The following THRA variants were observed in gnomAD, a reference collection of about 807,000 sequenced individuals.
THRA encodes the protein thyroid hormone receptor alpha, also known as EAR-7.
Under a neutral mutation model 45.0 loss-of-function variants are expected in THRA, and 13 were observed. The observed-to-expected ratio is 0.29, with a 90% CI of 0.19 to 0.46. The LOEUF is 0.46. Among genes scored for constraint, THRA ranks in the 20% least tolerant of loss-of-function variants. The pLI is 1.00. For missense variants in THRA, 278 were observed against 556.1 expected, an observed-to-expected ratio of 0.50 and a Z score of 5.03; for synonymous variants, 195 against 214.0, an observed-to-expected ratio of 0.91 and a Z score of 0.78.
At position 40,092,273 on chromosome 17, in the gene THRA, C is replaced by G. The variant is rs1420766357; in HGVS notation, c.*2817C>G. The G allele has an allele frequency of 6.6e-6, 1 of 151,700 alleles. No individual in the cohort carries two copies. Among genetic ancestry groups the G allele is most frequent in the African/African-American group, 2.4e-5 (1 of 41,210 alleles). The allele number at this position is 151,700 out of a possible 1,614,324, so 9.4% of individuals were successfully genotyped here. The stretch of plus-strand genomic sequence containing the variant: ...AGGGCAGGGCGTTGTGAGAGAGAGA[C>G]CGTCCATAAGGAGGACAGTAACTCC... On this transcript the variant is annotated 3_prime_UTR_variant, in exon 9 of 9. Coordinates refer to ENST00000450525, the MANE Select transcript of THRA (RefSeq NM_199334.5).
intron 3 of THRA, 69 bp from the exon 4 acceptor site, chr17:40,077,439 A>G: frequency 7.1e-7 from 1 of 1,416,304 alleles, no homozygotes; most frequent in South Asian, 1.2e-5. Context: ...GGATGGGGAA[A>G]AGTGTGAGAG....
upstream of THRA, chr17:40,062,772 G>C (rs1231546715): frequency 6.9e-6 from 1 of 143,986 alleles, no homozygotes; most frequent in African/African-American, 2.5e-5. Flanking sequence ...GGGGTCCCGG[G>C]GCGCGGCAGG....
At chr17:40,093,554 TC>T, downstream of THRA, 10 of 1,084,604 alleles carry the variant, frequency 9.2e-6, no homozygotes, top group Non-Finnish European at 1.3e-5. The surrounding 1 kb of genome is among the most constrained non-coding windows in gnomAD (Gnocchi z 5.9). Context: ...ATGGCCAGAC[TC>T]CCTTGCTTTT....
At chr17:40,067,788 C>T (rs1430650000) in intron 1 of THRA, among the ~76,000 whole-genome samples, 5 of 152,126 alleles carry the variant, frequency 3.3e-5, no homozygotes, top group Admixed American at 6.5e-5. Context: ...GAGGCCAAGG[C>T]GGGAGGATCA....
chr17:40,063,713 T>C (rs972538955), intron 1 of THRA, among the ~76,000 whole-genome samples: 7 of 152,042 alleles, frequency 4.6e-5, no homozygotes, highest in African/African-American at 1.7e-4. Context: ...GGGGTGTACT[T>C]GGTGGTGCCT....
At chr17:40,071,211 GC>G (rs1354249762) in intron 1 of THRA, among the ~76,000 whole-genome samples, 1 of 152,178 alleles carries the variant, frequency 6.6e-6, no homozygotes, top group African/African-American at 2.4e-5. Context: ...AAGTTCAGGG[GC>G]CCCAGAAAGG....
Position 40,078,727 on chromosome 17 carries a change from C to CTTT in THRA, c.222+1139_222+1141dup, listed in dbSNP as rs746350223. On this transcript the variant is annotated intron_variant, in intron 4 of 8. Coordinates refer to ENST00000450525, the MANE Select transcript of THRA (RefSeq NM_199334.5). The stretch of plus-strand genomic sequence containing the variant: ...TAAAATGCAGATTCCCAGCCTTCAT[C>CTTT]TTTTTTTTTTTTTTTTTTTTTTGAG... Among the ~76,000 whole-genome samples the CTTT allele has an allele frequency of 3.9e-3, 403 of 102,554 alleles. 3 individuals carry two copies. The highest frequency in any genetic ancestry group is 5.6e-3 in the Middle Eastern group (1 of 178). 67.3% of individuals were successfully genotyped at this position (102,554 alleles called of 152,430 possible).
chr17:40,071,635 C>T (rs1462952225), intron 1 of THRA, among the ~76,000 whole-genome samples: 1 of 152,204 alleles, frequency 6.6e-6, no homozygotes, highest in African/African-American at 2.4e-5. Flanking sequence ...GGGCCTCCCT[C>T]GCCTCTGCAG....
At chr17:40,084,089 G>A in intron 5 of THRA, 107 bp downstream of exon 5, 3 of 1,321,364 alleles carry the variant, frequency 2.3e-6, no homozygotes, top group South Asian at 1.5e-5. Flanking sequence ...AGGGCAGAGT[G>A]GCAATCCAGT....
chr17:40,083,852 A>G lies in THRA; in HGVS notation c.240A>G (p.Thr80=). 1 of 1,610,802 alleles carries G rather than the reference A, an allele frequency of 6.2e-7. No homozygotes were observed. The highest frequency in any genetic ancestry group is 1.1e-5 in the South Asian group (1 of 90,630). The change falls in exon 5 of 9, where the codon ACA becomes ACG. Residue 80 remains threonine, a synonymous_variant. Coordinates refer to ENST00000450525, the MANE Select transcript of THRA (RefSeq NM_199334.5). ...CEGCKGFFRR[T]IQKNLHPTYS... Reference sequence around the variant, plus strand: ...CACCCCAGGGCTTCTTTCGCCGCACAATCCAGAAGAACCTCCATCCCACCT... The same window carrying G: ...CACCCCAGGGCTTCTTTCGCCGCACGATCCAGAAGAACCTCCATCCCACCT...
intron 1 of THRA, among the ~76,000 whole-genome samples, chr17:40,072,546 G>A (rs991044563): frequency 6.6e-6 from 1 of 151,530 alleles, no homozygotes; most frequent in Non-Finnish European, 1.5e-5. Flanking sequence ...GGCACAGCCT[G>A]GGGGGCAGAC....
chr17:40,085,721 G>A lies in THRA; in HGVS notation c.576+906G>A, dbSNP rs1471835414. On this transcript the variant is annotated intron_variant, in intron 6 of 8. Coordinates refer to ENST00000450525, the MANE Select transcript of THRA (RefSeq NM_199334.5). ...TGCAGTGGCACAGTCTTGGCTCACC[G>A]CAACCTCTACCTCCCGGCTTCAAGC... Among the ~76,000 whole-genome samples the A allele has an allele frequency of 5.3e-5, 8 of 151,034 alleles. No homozygotes were observed. In the South Asian group the frequency reaches 1.3e-3, roughly 24 times the overall value.
At chr17:40,088,666 A>C in intron 8 of THRA, among the ~76,000 whole-genome samples, 166 bp downstream of exon 8, 2 of 149,166 alleles carry the variant, frequency 1.3e-5, no homozygotes, top group Non-Finnish European at 1.5e-5. Context: ...CACACTTCTC[A>C]CTCGTTCCCC....
At chr17:40,069,699 A>AG (rs973874497) in intron 1 of THRA, among the ~76,000 whole-genome samples, 25 of 151,998 alleles carry the variant, frequency 1.6e-4, no homozygotes, top group Admixed American at 7.9e-4. Flanking sequence ...GGAATTGGGC[A>AG]GGGGGGGCGT....
At chr17:40,068,407 A>G (rs1251176221) in intron 1 of THRA, among the ~76,000 whole-genome samples, 2 of 152,232 alleles carry the variant, frequency 1.3e-5, no homozygotes, top group African/African-American at 4.8e-5. Context: ...GCCTGGAACC[A>G]GAGACAGTTC....
intron 3 of THRA, 146 bp downstream of exon 3, chr17:40,077,084 G>C (rs766208212): frequency 2.4e-6 from 2 of 826,952 alleles, no homozygotes; most frequent in Non-Finnish European, 3.8e-6. Context: ...TTGTCTGGGG[G>C]TGAGAAAGGT....
At position 40,089,306 on chromosome 17, in the gene THRA, G is replaced by A. The variant is rs751859528; in HGVS notation, c.1083G>A (p.Pro361=). The change falls in exon 9 of 9, where the codon CCG becomes CCA. Residue 361 remains proline (P), a synonymous_variant. Coordinates refer to ENST00000450525, the MANE Select transcript of THRA (RefSeq NM_199334.5). The surrounding 1 kb of genome is among the most constrained non-coding windows in gnomAD (Gnocchi z 6.1). ...TCAACCACCGCAAACACAACATTCC[G>A]CACTTCTGGCCCAAGCTGCTGATGA... is the stretch of plus-strand genomic sequence containing the variant. ...HYVNHRKHNI[P]HFWPKLLMKV... is the part of the protein sequence containing the mutation. 9 of 1,613,934 alleles carry A rather than the reference G, an allele frequency of 5.6e-6. No individual in the cohort carries two copies. The highest frequency in any genetic ancestry group is 4.5e-5 in the East Asian group (2 of 44,870).
intron 2 of THRA, among the ~76,000 whole-genome samples, chr17:40,076,055 G>C (rs759887619): frequency 3.9e-5 from 6 of 152,202 alleles, no homozygotes; most frequent in Non-Finnish European, 7.3e-5. Context: ...GTGCACCGAG[G>C]TTATGCAACA....
At chr17:40,086,132 G>A (rs1987313055) in intron 6 of THRA, among the ~76,000 whole-genome samples, 1 of 152,192 alleles carries the variant, frequency 6.6e-6, no homozygotes, top group Admixed American at 6.5e-5. Flanking sequence ...ATCAGTTTGG[G>A]AGGAGATGGA....
Sources: allele counts gnomAD v4.1 joint callset (sites outside exome capture counted in the v4.1 genomes callset), GRCh38; gene constraint gnomAD v4.1.1; non-coding constraint Gnocchi (gnomAD v3.1); transcripts MANE v1.5; gene names NCBI Gene and HGNC (gene_info 2026-07-23, HGNC 2026-07-21).